Variants in RGS9 observed in about 807,000 individuals in gnomAD.
RGS9 encodes the protein regulator of G-protein signalling 9.
Under a neutral mutation model 102.0 loss-of-function variants are expected in RGS9, and 78 were observed. The observed-to-expected ratio is 0.76, with a 90% CI of 0.64 to 0.92. The LOEUF (loss-of-function observed/expected upper bound fraction) is 0.92, where lower values mean the gene tolerates loss of function less well. Ranked by LOEUF, RGS9 falls within the 40% of genes least tolerant of loss-of-function variation. The pLI is 0.00. For missense variants in RGS9, 833 were observed against 866.1 expected (o/e 0.96, Z 0.48); for synonymous variants, 353 against 318.6 (o/e 1.11, Z -1.15).
intron 1 of RGS9, among the ~76,000 whole-genome samples, chr17:65,151,345 A>C (rs538328685): frequency 8.4e-6 from 1 of 119,402 alleles, no homozygotes; most frequent in African/African-American, 5.0e-5. Flanking sequence ...ACCTGTCCCA[A>C]AAAAAAAAAA....
intron 9 of RGS9, chr17:65,189,025 T>C: frequency 1.8e-6 from 1 of 551,254 alleles, no homozygotes; most frequent in Non-Finnish European, 3.2e-6. Flanking sequence ...ATTTAGTCCT[T>C]AATTGATCTT....
At chr17:65,217,761 G>T (rs956809660) in intron 17 of RGS9, among the ~76,000 whole-genome samples, 35 of 152,174 alleles carry the variant, frequency 2.3e-4, no homozygotes, top group African/African-American at 8.2e-4. Context: ...ATAAGAGAAA[G>T]CCTGGAAAAA....
Position 65,137,407 on chromosome 17 carries a change from C to T in RGS9, c.-134C>T, listed in dbSNP as rs550439990. On this transcript the variant is annotated 5_prime_UTR_variant, in exon 1 of 19. Transcript: ENST00000262406. ...CTAGTGAGAGTCAGGGGGGCCCGGC[C>T]CGCGCCCTCCCCGCCCAGCCGCCTC... The T allele has an allele frequency of 3.5e-6, 3 of 854,748 alleles. No homozygotes were observed. The Admixed American group carries it at 5.6e-5, about 16-fold the overall frequency. The allele number at this position is 854,748 out of a possible 1,614,324, so 52.9% of individuals were successfully genotyped here.
chr17:65,139,049 TC>T (rs1910035102), intron 1 of RGS9, among the ~76,000 whole-genome samples: 1 of 139,430 alleles, frequency 7.2e-6, no homozygotes, highest in African/African-American at 2.8e-5. Flanking sequence ...TCTCCCTTCC[TC>T]CACCCTAACC....
At chr17:65,144,252 A>G (rs1051870897) in intron 1 of RGS9, among the ~76,000 whole-genome samples, 3 of 152,020 alleles carry the variant, frequency 2.0e-5, no homozygotes, top group Admixed American at 6.5e-5. Context: ...ACCGATTATT[A>G]TTGTTCCCCC....
intron 15 of RGS9, among the ~76,000 whole-genome samples, chr17:65,205,093 G>C (rs1426228906): frequency 2.6e-5 from 4 of 152,132 alleles, no homozygotes; most frequent in Non-Finnish European, 5.9e-5. Context: ...AACAAAGTGC[G>C]AATGCGGTGG....
chr17:65,150,713 C>T lies in RGS9; in HGVS notation c.58-2709C>T, dbSNP rs148985234. On this transcript the variant is annotated intron_variant, in intron 1 of 18. Coordinates refer to ENST00000262406, the MANE Select transcript of RGS9 (RefSeq NM_003835.4). The stretch of plus-strand genomic sequence containing the variant: ...TGTTCACATGACACCATAGACTCAC[C>T]CTTGTCATTGCATGTTCTGCATTGT... Among the ~76,000 whole-genome samples the T allele has an allele frequency of 2.6e-3, 403 of 152,288 alleles. 1 individual carries two copies. The highest frequency in any genetic ancestry group is 9.1e-3 in the African/African-American group (380 of 41,564).
intron 1 of RGS9, among the ~76,000 whole-genome samples, chr17:65,142,818 G>T (rs953699320): frequency 1.3e-5 from 2 of 152,022 alleles, no homozygotes; most frequent in Non-Finnish European, 2.9e-5. Context: ...CCTGACCTCA[G>T]GTGCCCCACC....
At chr17:65,190,311 C>A in intron 11 of RGS9, 75 bp downstream of exon 11, 1 of 1,164,658 alleles carries the variant, frequency 8.6e-7, no homozygotes, top group Non-Finnish European at 1.3e-6. Flanking sequence ...GCAAACTCGA[C>A]AAGTCCTGGG....
At chr17:65,215,481 T>TTTCTTTC (rs1567893179) in intron 17 of RGS9, among the ~76,000 whole-genome samples, 15 of 120,814 alleles carry the variant, frequency 1.2e-4, no homozygotes, top group African/African-American at 5.5e-4. Flanking sequence ...TTTCTCTATC[T>TTTCTTTC]TTCTTTCGTT....
chr17:65,176,911 C>T (rs180705019), intron 8 of RGS9, among the ~76,000 whole-genome samples: 1 of 151,034 alleles, frequency 6.6e-6, no homozygotes, highest in Non-Finnish European at 1.5e-5. Context: ...TCCATCCATC[C>T]ATCTCTTCAC....
intron 3 of RGS9, 151 bp downstream of exon 3, chr17:65,158,496 A>ATAATTC: frequency 1.3e-6 from 1 of 776,490 alleles, no homozygotes; most frequent in South Asian, 1.4e-5. Flanking sequence ...CAGAATCAAA[A>ATAATTC]GCAAAGGCAG....
In RGS9 at chr17:65,225,227, T is replaced by A. The variant is rs1598013218; in HGVS notation, c.1633T>A (p.Ser545Thr). 6.2e-7 allele frequency: 1 copy of A among 1,611,608 alleles called. No homozygotes were observed. The highest frequency in any genetic ancestry group is 8.5e-7 in the Non-Finnish European group (1 of 1,179,946). ...GGAGCAGAAAGGGGAGTGCAGCGGG[T>A]CCATGGCCCCCCGTGGGCCCTCTGT... ...GLEQKGECSG[S>T]MAPRGPSVTE... The change falls in exon 18 of 19, where the codon TCC becomes ACC. Residue 545 changes from serine (S) to threonine (T), a missense_variant. Ser to Thr is a moderately conservative substitution (Grantham distance 58). Around this residue, in one of 3 missense-constraint regions of RGS9, gnomAD observed 320 missense variants for 276.8 expected, o/e 1.16. Transcript: ENST00000262406.
chr17:65,222,531 G>T (rs1390832745), intron 17 of RGS9, among the ~76,000 whole-genome samples: 2 of 152,150 alleles, frequency 1.3e-5, no homozygotes, highest in Admixed American at 6.5e-5. Flanking sequence ...AGCCCCTGTG[G>T]GCCTCAATGT....
At chr17:65,222,912 T>G (rs970348347) in intron 17 of RGS9, among the ~76,000 whole-genome samples, 1 of 152,202 alleles carries the variant, frequency 6.6e-6, no homozygotes, top group Non-Finnish European at 1.5e-5. Context: ...GTGGCCGATC[T>G]GTAGACCACA....
rs1407243808 is a variant in RGS9 at position 65,160,235 on chromosome 17, G to A, written c.208G>A (p.Ala70Thr). ...CATGTCTGAACTGCTTTTCCCAGAG[G>A]CACAGAACTTGGGCAACTTTATTGT... ...VQRLWISSLE[A>T]QNLGNFIVRY... Residue 70 changes from alanine (A) to threonine (T), a missense_variant and splice_region_variant, in exon 4 of 19, where the codon GCA becomes ACA. This residue lies in a region of RGS9 where 328 missense variants were observed against 340.6 expected (regional missense o/e 0.96). Coordinates refer to ENST00000262406, the MANE Select transcript of RGS9 (RefSeq NM_003835.4). 6.2e-7 allele frequency: 1 copy of A among 1,612,412 alleles called. No individual in the cohort carries two copies. The highest frequency in any genetic ancestry group is 1.7e-5 in the Admixed American group (1 of 60,012).
chr17:65,211,699 G>A (rs992820343), intron 17 of RGS9, among the ~76,000 whole-genome samples: 1 of 152,198 alleles, frequency 6.6e-6, no homozygotes, highest in Non-Finnish European at 1.5e-5. Context: ...GCACAGAAGT[G>A]AGCAAGAGAC....
chr17:65,170,973 C>G (rs1471785062), intron 8 of RGS9, among the ~76,000 whole-genome samples: 1 of 152,130 alleles, frequency 6.6e-6, no homozygotes, highest in Non-Finnish European at 1.5e-5. Flanking sequence ...CTGACAGGCT[C>G]AGGAAGCCCC....
chr17:65,210,762 A>C, intron 17 of RGS9, 157 bp downstream of exon 17: 14 of 1,259,036 alleles, frequency 1.1e-5, no homozygotes, highest in Non-Finnish European at 1.4e-5. Flanking sequence ...TGTGGAGGTC[A>C]TCAGGTTCAT....
Sources: allele counts gnomAD v4.1 joint callset (sites outside exome capture counted in the v4.1 genomes callset), GRCh38; gene constraint gnomAD v4.1.1; regional missense constraint gnomAD v4.1.1; transcripts MANE v1.5; gene names NCBI Gene and HGNC (gene_info 2026-07-23, HGNC 2026-07-21).